RAPGEF6: variants seen among roughly 807,000 people sequenced by gnomAD.
RAPGEF6 encodes the protein PDZ domain containing guanine nucleotide exchange factor (GEF) 2.
Under a neutral mutation model 171.4 loss-of-function variants are expected in RAPGEF6, and 56 were observed. The observed-to-expected ratio is 0.33, with a 90% CI of 0.26 to 0.41. The LOEUF is 0.41. Among genes scored for constraint, RAPGEF6 ranks in the 10% least tolerant of loss-of-function variants. The pLI is 1.00. For synonymous variants in RAPGEF6, 692 were observed against 650.1 expected (o/e 1.06, Z -0.98); for missense variants, 1,674 against 1,921.4 (o/e 0.87, Z 2.41).
At chr5:131,511,481 C>CTTTTTTTTTTTTTTTTTTTTTTTTTT (rs55782171) in intron 7 of RAPGEF6, among the ~76,000 whole-genome samples, 1 of 137,328 alleles carries the variant, frequency 7.3e-6, no homozygotes, top group Non-Finnish European at 1.5e-5. Context: ...AAAAGATCAT[C>CTTTTTTTTTTTTTTTTTTTTTTTTTT]TTTTTTTTTT....
chr5:131,534,830 C>G (rs1445255249), intron 6 of RAPGEF6, among the ~76,000 whole-genome samples: 2 of 151,734 alleles, frequency 1.3e-5, no homozygotes, highest in Non-Finnish European at 2.9e-5. Context: ...TTCAAGAATA[C>G]CAAGAATTTC....
At chr5:131,524,401 G>C (rs1241335374) in intron 6 of RAPGEF6, among the ~76,000 whole-genome samples, 1 of 152,254 alleles carries the variant, frequency 6.6e-6, no homozygotes, top group South Asian at 2.1e-4. Flanking sequence ...GATAGGTGAA[G>C]AATGTGTTTT....
Position 131,504,614 on chromosome 5 carries a change from A to G in RAPGEF6, c.1254+12T>C, listed in dbSNP as rs1757231662. The G allele has an allele frequency of 5.8e-6, 9 of 1,561,062 alleles. No homozygotes were observed. Among genetic ancestry groups the G allele is most frequent in the Admixed American group, 4.2e-5 (2 of 47,222 alleles). On this transcript the variant is annotated intron_variant, in intron 11 of 27. Coordinates refer to ENST00000509018, the MANE Select transcript of RAPGEF6 (RefSeq NM_016340.6). ...AAAATCAGTGACTAGAAAAATAAGT[A>G]AAAACACCCACCTTGATCACAATGT...
rs138972754 is a variant in RAPGEF6 at position 131,583,708 on chromosome 5, C to T, written c.281+8675G>A. On this transcript the variant is annotated intron_variant, in intron 4 of 27. Coordinates refer to ENST00000509018, the MANE Select transcript of RAPGEF6 (RefSeq NM_016340.6). ...TATATAAAACCAAACTGTAGCCCAA[C>T]CACCTTAGGGCCACTTACTCAAGGC... is the stretch of plus-strand genomic sequence containing the variant. 6.1e-3 allele frequency among the ~76,000 whole-genome samples: 927 copies of T among 152,290 alleles called. 9 individuals are homozygous for T. The Middle Eastern group carries it at 0.075, about 12-fold the overall frequency.
chr5:131,587,293 T>C (rs570872271), intron 4 of RAPGEF6, among the ~76,000 whole-genome samples: 1 of 152,162 alleles, frequency 6.6e-6, no homozygotes, highest in Non-Finnish European at 1.5e-5. Context: ...TACAAAAATG[T>C]TCACAGCTGC....
At chr5:131,592,532 A>G (rs569311502) in intron 3 of RAPGEF6, 66 bp from the exon 4 acceptor site, 3 of 1,545,464 alleles carry the variant, frequency 1.9e-6, no homozygotes, top group Non-Finnish European at 1.7e-6. Context: ...TATGAATTCA[A>G]TAAGAAATAT....
At chr5:131,566,700 G>T (rs542706874) in intron 4 of RAPGEF6, among the ~76,000 whole-genome samples, 227 of 150,732 alleles carry the variant, frequency 1.5e-3, no homozygotes, top group Non-Finnish European at 2.6e-3. Context: ...AGTTATCTGG[G>T]TCTAGACTTC....
intron 3 of RAPGEF6, among the ~76,000 whole-genome samples, chr5:131,592,911 T>C (rs990234125): frequency 2.8e-4 from 43 of 152,236 alleles, no homozygotes; most frequent in African/African-American, 1.0e-3. Flanking sequence ...CACATACAAG[T>C]TAAAACTTGA....
At chr5:131,608,192 TAAG>T in intron 1 of RAPGEF6, among the ~76,000 whole-genome samples, 1 of 152,330 alleles carries the variant, frequency 6.6e-6, no homozygotes, top group East Asian at 1.9e-4. Flanking sequence ...AAAGCAGAGT[TAAG>T]TAGTTGTAAG....
At chr5:131,535,686 T>C (rs1433258518) in intron 6 of RAPGEF6, among the ~76,000 whole-genome samples, 2 of 152,184 alleles carry the variant, frequency 1.3e-5, no homozygotes, top group Non-Finnish European at 2.9e-5. Flanking sequence ...AAAATACTTT[T>C]ATAAAAGTGT....
Position 131,461,898 on chromosome 5 carries a change from A to C in RAPGEF6, c.2671T>G (p.Leu891Val). ...TGAGTATTTCCTGTTTTGGAATTTA[A>C]CTTAAAAAGGTCATCGATGTACTCA... The part of the protein sequence containing the change: ...PTEYIDDLFK[L>V]NSKTGNTHLK... Residue 891 changes from leucine (L) to valine (V), a missense_variant, in exon 19 of 28, where the codon TTA (leucine) becomes GTA (valine). Transcript: ENST00000509018. 1 of 1,614,126 alleles carries C rather than the reference A, an allele frequency of 6.2e-7. No homozygotes were observed. Among genetic ancestry groups the C allele is most frequent in the Non-Finnish European group, 8.5e-7 (1 of 1,179,980 alleles).
intron 19 of RAPGEF6, 70 bp from the exon 20 acceptor site, chr5:131,456,082 C>G (rs1367071455): frequency 9.3e-7 from 1 of 1,077,474 alleles, no homozygotes; most frequent in Non-Finnish European, 1.4e-6. Flanking sequence ...TCAGCATATA[C>G]ACCATTTTCT....
At chr5:131,624,835 G>A (rs1181950276) in intron 1 of RAPGEF6, among the ~76,000 whole-genome samples, 1 of 152,160 alleles carries the variant, frequency 6.6e-6, no homozygotes, top group African/African-American at 2.4e-5. Context: ...AAATTAATCT[G>A]GCAATGGCTG....
intron 3 of RAPGEF6, among the ~76,000 whole-genome samples, chr5:131,595,674 A>G (rs958501623): frequency 6.6e-6 from 1 of 152,226 alleles, no homozygotes; most frequent in African/African-American, 2.4e-5. Context: ...AAAAAAATCT[A>G]TAAAACAACC....
At chr5:131,487,211 C>T (rs553637078) in intron 15 of RAPGEF6, among the ~76,000 whole-genome samples, 8 of 152,248 alleles carry the variant, frequency 5.3e-5, no homozygotes, top group East Asian at 1.9e-4. Context: ...AGAATGAAGC[C>T]GCGGACCTTC....
chr5:131,629,226 T>C (rs1339084841), intron 1 of RAPGEF6, among the ~76,000 whole-genome samples: 1 of 152,054 alleles, frequency 6.6e-6, no homozygotes, highest in East Asian at 1.9e-4. Context: ...ACGCCTGTAA[T>C]CCCAACACTT....
chr5:131,605,000 T>C (rs1010592197), intron 1 of RAPGEF6, among the ~76,000 whole-genome samples: 18 of 152,182 alleles, frequency 1.2e-4, no homozygotes, highest in Admixed American at 6.5e-5. Context: ...GATGTAAACT[T>C]TCCTTCTTTA....
chr5:131,619,002 A>G (rs1765442959), intron 1 of RAPGEF6, among the ~76,000 whole-genome samples: 1 of 151,908 alleles, frequency 6.6e-6, no homozygotes, highest in Admixed American at 6.6e-5. Context: ...ACATTCTATA[A>G]GGCAGCCGGC....
At chr5:131,577,820 T>A (rs1438155379) in intron 4 of RAPGEF6, among the ~76,000 whole-genome samples, 1 of 152,166 alleles carries the variant, frequency 6.6e-6, no homozygotes, top group African/African-American at 2.4e-5. Context: ...TTAAACTCAC[T>A]CGCATTTCTG....
Sources: gnomAD v4.1 joint callset for allele counts (sites outside exome capture counted in the v4.1 genomes callset) on GRCh38, gnomAD v4.1.1 for gene constraint, MANE v1.5 for transcripts, NCBI Gene and HGNC (gene_info 2026-07-23, HGNC 2026-07-21) for gene names.